Variants in SNX31 observed in about 807,000 individuals in gnomAD.
The protein encoded by SNX31 is sorting nexin-31.
In SNX31, 58 loss-of-function variants were observed where a neutral mutation model predicts 65.4. The observed-to-expected ratio is 0.89, with a 90% CI of 0.72 to 1.10. The LOEUF is 1.10. SNX31 is among the 50% of genes least tolerant of loss of function. SNX31 has a pLI of 0.00. For missense variants in SNX31, 523 were observed against 529.7 expected (o/e 0.99, Z 0.12); for synonymous variants, 181 against 190.1 (o/e 0.95, Z 0.39).
At chr8:100,603,680 G>A (rs754612391) in intron 8 of SNX31, among the ~76,000 whole-genome samples, 23 of 151,002 alleles carry the variant, frequency 1.5e-4, no homozygotes, top group African/African-American at 2.2e-4. Context: ...CAGATACCTC[G>A]GATGATTGGC....
chr8:100,653,910 C>A (rs1820014977), upstream of SNX31, among the ~76,000 whole-genome samples: 1 of 152,216 alleles, frequency 6.6e-6, no homozygotes, highest in South Asian at 2.1e-4. Context: ...GACTGGCTAA[C>A]CCTATGCAGC....
chr8:100,579,645 C>A (rs1813325251), intron 12 of SNX31, among the ~76,000 whole-genome samples: 1 of 152,208 alleles, frequency 6.6e-6, no homozygotes, highest in Non-Finnish European at 1.5e-5. Flanking sequence ...TTGCCAGTTG[C>A]CTTTTAAATA....
intron 1 of SNX31, among the ~76,000 whole-genome samples, chr8:100,658,127 G>C (rs1006570392): frequency 6.6e-6 from 1 of 152,118 alleles, no homozygotes; most frequent in Non-Finnish European, 1.5e-5. Flanking sequence ...GGATAGCCTG[G>C]GCATCGGGAT....
Position 100,610,464 on chromosome 8 carries a change from G to T in SNX31, c.611+1536C>A, listed in dbSNP as rs1398763047. On this transcript the variant is annotated intron_variant, in intron 7 of 13. Transcript: ENST00000311812. The surrounding 1 kb of genome is among the most constrained non-coding windows in gnomAD (Gnocchi z 4.0). ...TATGGGACTATTTTACATAACTCTT[G>T]CAATAACCCTTATAATAATCCAATA... is the stretch of plus-strand genomic sequence containing the variant. Among the ~76,000 whole-genome samples, 2 of 151,322 alleles carry T rather than the reference G, an allele frequency of 1.3e-5. No individual in the cohort carries two copies. Among genetic ancestry groups the T allele is most frequent in the Non-Finnish European group, 1.5e-5 (1 of 67,930 alleles).
chr8:100,605,529 A>G (rs1486145771), intron 8 of SNX31, among the ~76,000 whole-genome samples: 2 of 152,234 alleles, frequency 1.3e-5, no homozygotes, highest in Non-Finnish European at 2.9e-5. Flanking sequence ...ATGACAGTCT[A>G]TTAAAGCTTG....
chr8:100,589,072 G>T, intron 10 of SNX31, 93 bp from the exon 11 acceptor site: 2 of 903,002 alleles, frequency 2.2e-6, no homozygotes, highest in Non-Finnish European at 3.4e-6. Context: ...CAGCTGAGGC[G>T]GGCAGATCGC....
At chr8:100,655,694 T>G (rs913354374) in intron 1 of SNX31, among the ~76,000 whole-genome samples, 1 of 152,180 alleles carries the variant, frequency 6.6e-6, no homozygotes, top group Non-Finnish European at 1.5e-5. Context: ...AGGAGTTTGT[T>G]GTTATGGAGA....
chr8:100,574,070 C>A, intron 13 of SNX31, 110 bp from the exon 14 acceptor site: 1 of 583,694 alleles, frequency 1.7e-6, no homozygotes, highest in South Asian at 2.6e-5. Context: ...AGAAAGCTTA[C>A]ATTTGTATAA....
intron 3 of SNX31, among the ~76,000 whole-genome samples, chr8:100,634,064 A>G (rs1001221926): frequency 6.6e-6 from 1 of 152,216 alleles, no homozygotes; most frequent in East Asian, 1.9e-4. Flanking sequence ...AAGAAATATT[A>G]TGTGTATACA....
At chr8:100,579,003 C>T (rs533684894) in intron 12 of SNX31, among the ~76,000 whole-genome samples, 60 of 152,066 alleles carry the variant, frequency 3.9e-4, no homozygotes, top group African/African-American at 1.3e-3. Flanking sequence ...ATTACAGGCA[C>T]GAGACACTGT....
Position 100,575,328 on chromosome 8 carries a change from T to C in SNX31, c.1228-1368A>G, listed in dbSNP as rs1812959255. 6.6e-6 allele frequency among the ~76,000 whole-genome samples: 1 copy of C among 152,262 alleles called. No homozygotes were observed. ...GGATAATAACAGTGCTTTGGTTGTT[T>C]ATTGGGATTAAACGAGTTATACATA... On this transcript the variant is annotated intron_variant, in intron 13 of 13. Transcript: ENST00000311812. The surrounding 1 kb of genome is among the most constrained non-coding windows in gnomAD (Gnocchi z 5.1).
Position 100,629,754 on chromosome 8 carries a change from G to A in SNX31, c.321+573C>T, listed in dbSNP as rs75853325. On this transcript the variant is annotated intron_variant, in intron 4 of 13. Transcript: ENST00000311812. The surrounding 1 kb of genome is among the most constrained non-coding windows in gnomAD (Gnocchi z 5.1). ...GTGTTGTGCTAAACAAACGTACTTAGCAGTTTCAGCCTAGGGAGCAAGTGA... is the reference window on the plus strand; with the variant it reads ...GTGTTGTGCTAAACAAACGTACTTAACAGTTTCAGCCTAGGGAGCAAGTGA... Among the ~76,000 whole-genome samples, 2,806 of 152,270 alleles carry A rather than the reference G, an allele frequency of 0.018. 92 individuals carry two copies. The highest frequency in any genetic ancestry group is 0.061 in the African/African-American group (2,537 of 41,538).
chr8:100,647,472 C>T (rs943565734), intron 2 of SNX31, among the ~76,000 whole-genome samples: 2 of 152,102 alleles, frequency 1.3e-5, no homozygotes, highest in African/African-American at 4.8e-5. Context: ...TCTGAGTTTT[C>T]CTGAAAATAA....
At chr8:100,618,516 A>T in intron 4 of SNX31, 1 of 611,346 alleles carries the variant, frequency 1.6e-6, no homozygotes, top group Non-Finnish European at 2.9e-6. Context: ...TTGGCATCAG[A>T]TCCCTCACGT....
chr8:100,646,403 A>C (rs918380187), intron 2 of SNX31, among the ~76,000 whole-genome samples: 13 of 152,182 alleles, frequency 8.5e-5, no homozygotes, highest in African/African-American at 3.1e-4. Flanking sequence ...AGCTCTCAGA[A>C]AGAACAGTTG....
intron 1 of SNX31, among the ~76,000 whole-genome samples, chr8:100,656,204 G>A (rs1820050102): frequency 6.6e-6 from 1 of 152,128 alleles, no homozygotes; most frequent in East Asian, 1.9e-4. Context: ...CAAAAAGGAT[G>A]GATTTAAAAA....
intron 1 of SNX31, among the ~76,000 whole-genome samples, chr8:100,657,344 C>T (rs1820067558): frequency 6.6e-6 from 1 of 151,356 alleles, no homozygotes. Context: ...CCCAGCTACT[C>T]AGGAGGCTGA....
chr8:100,606,367 A>T (rs1816159682), intron 8 of SNX31, among the ~76,000 whole-genome samples: 1 of 152,220 alleles, frequency 6.6e-6, no homozygotes, highest in African/African-American at 2.4e-5. Flanking sequence ...CATGTATAGT[A>T]CGGAATGAAC....
chr8:100,639,310 G>A (rs1226528360), intron 2 of SNX31, among the ~76,000 whole-genome samples: 1 of 152,110 alleles, frequency 6.6e-6, no homozygotes. Context: ...CACTGAACGT[G>A]GTGAGAAAAA....
Sources: allele counts gnomAD v4.1 joint callset (sites outside exome capture counted in the v4.1 genomes callset), GRCh38; gene constraint gnomAD v4.1.1; non-coding constraint Gnocchi (gnomAD v3.1); transcripts MANE v1.5; gene names NCBI Gene and HGNC (gene_info 2026-07-23, HGNC 2026-07-21).